Variants in PRKAR2B observed in about 807,000 individuals in gnomAD.
PRKAR2B encodes cAMP-dependent protein kinase type II-beta regulatory subunit.
In PRKAR2B, 14 loss-of-function variants were observed where a neutral mutation model predicts 49.9. The ratio of observed to expected loss-of-function variants is 0.28; its 90% CI spans 0.19 to 0.44. The LOEUF is 0.44. Among genes scored for constraint, PRKAR2B ranks in the 20% least tolerant of loss-of-function variants. The pLI is 1.00. For missense variants in PRKAR2B, 393 were observed against 537.9 expected (o/e 0.73, Z 2.67); for synonymous variants, 196 against 197.7 (o/e 0.99, Z 0.07).
intron 2 of PRKAR2B, among the ~76,000 whole-genome samples, chr7:107,078,829 A>T (rs1794458120): frequency 6.6e-6 from 1 of 152,208 alleles, no homozygotes; most frequent in Admixed American, 6.5e-5. Context: ...GCATTTTCCC[A>T]GAGTTCTCTT....
intron 1 of PRKAR2B, among the ~76,000 whole-genome samples, chr7:107,048,386 C>T (rs1355367908): frequency 6.6e-6 from 1 of 151,426 alleles, no homozygotes; most frequent in Non-Finnish European, 1.5e-5. Context: ...ACTCACAAGT[C>T]AGGTTTTCCT....
chr7:107,152,289 C>T (rs530273950), intron 7 of PRKAR2B, among the ~76,000 whole-genome samples: 5 of 152,324 alleles, frequency 3.3e-5, no homozygotes, highest in South Asian at 4.1e-4. Context: ...AACCTCATTT[C>T]CTACTGCTCC....
At chr7:107,122,723 A>G (rs1469713756) in intron 3 of PRKAR2B, among the ~76,000 whole-genome samples, 1 of 152,176 alleles carries the variant, frequency 6.6e-6, no homozygotes, top group East Asian at 1.9e-4. Context: ...AAAAGTACAT[A>G]AGTAAGATTG....
At chr7:107,153,083 T>G in intron 7 of PRKAR2B, 94 bp from the exon 8 acceptor site, 1 of 726,400 alleles carries the variant, frequency 1.4e-6, no homozygotes, top group East Asian at 2.7e-5. Context: ...GCTCGATTTA[T>G]TTGGCCTATA....
chr7:107,152,886 T>C (rs938766606), intron 7 of PRKAR2B, among the ~76,000 whole-genome samples: 4 of 152,296 alleles, frequency 2.6e-5, no homozygotes, highest in African/African-American at 9.6e-5. Flanking sequence ...CTTTGGCAGA[T>C]TGGAGAACAT....
chr7:107,147,795 C>T (rs548345495), intron 6 of PRKAR2B, among the ~76,000 whole-genome samples: 1 of 152,204 alleles, frequency 6.6e-6, no homozygotes, highest in African/African-American at 2.4e-5. Flanking sequence ...TTATTTCTCT[C>T]AAATCCTTTT....
chr7:107,157,104 T>A (rs1311477174), intron 9 of PRKAR2B, 55 bp downstream of exon 9: 4 of 1,607,476 alleles, frequency 2.5e-6, no homozygotes, highest in Non-Finnish European at 3.4e-6. Flanking sequence ...ACACAACAGA[T>A]CTACTTTTTG....
chr7:107,058,444 G>A (rs903250077), intron 1 of PRKAR2B, among the ~76,000 whole-genome samples: 3 of 152,120 alleles, frequency 2.0e-5, no homozygotes, highest in South Asian at 2.1e-4. Flanking sequence ...ACATTAGTAT[G>A]TGTTTTTATT....
chr7:107,145,417 A>G (rs1184790045), intron 5 of PRKAR2B, among the ~76,000 whole-genome samples: 1 of 152,224 alleles, frequency 6.6e-6, no homozygotes, highest in Non-Finnish European at 1.5e-5. Context: ...TTCTTTTTAA[A>G]AAGTTATTTT....
At chr7:107,068,599 TATAA>T (rs1211281230) in intron 1 of PRKAR2B, 4 of 152,196 alleles carry the variant, frequency 2.6e-5, no homozygotes, top group African/African-American at 9.6e-5. Flanking sequence ...TATTGTGGTA[TATAA>T]ATAGTAAATA....
chr7:107,123,000 T>G (rs1692803437), intron 3 of PRKAR2B, among the ~76,000 whole-genome samples: 1 of 152,210 alleles, frequency 6.6e-6, no homozygotes, highest in Non-Finnish European at 1.5e-5. Flanking sequence ...TTTACTAATC[T>G]GTGATGTGCT....
intron 1 of PRKAR2B, among the ~76,000 whole-genome samples, chr7:107,056,109 A>G (rs1793906489): frequency 6.6e-6 from 1 of 152,204 alleles, no homozygotes; most frequent in African/African-American, 2.4e-5. Flanking sequence ...CAGGTTTGTC[A>G]AAGATCAGAT....
Position 107,045,106 on chromosome 7 carries a change from G to T in PRKAR2B, c.199G>T (p.Gly67Cys). 4 of 1,527,244 alleles carry T rather than the reference G, an allele frequency of 2.6e-6. No individual in the cohort carries two copies. The highest frequency in any genetic ancestry group is 2.6e-6 in the Non-Finnish European group (3 of 1,139,736). 94.6% of individuals were successfully genotyped at this position (1,527,244 alleles called of 1,614,324 possible). A position where few individuals can be genotyped will look rare whatever the true frequency, so the allele number is the denominator to read the frequency against. ...GGGGGACCTGGGCGCCGCTGCCGGG[G>T]GCGGCACCCCCAGCAAGGGGGTCAA... ...TWGDLGAAAG[G>C]GTPSKGVNFA... Residue 67 changes from glycine (G) to cysteine (C), a missense_variant, in exon 1 of 11, where the codon GGC (glycine) becomes TGC (cysteine). Coordinates refer to ENST00000265717, the MANE Select transcript of PRKAR2B (RefSeq NM_002736.3).
chr7:107,059,836 A>G (rs576545582), intron 1 of PRKAR2B, among the ~76,000 whole-genome samples: 3 of 152,262 alleles, frequency 2.0e-5, no homozygotes, highest in South Asian at 4.2e-4. Context: ...GATGAAAATT[A>G]TAATAATACT....
At chr7:107,063,808 T>A (rs544513325) in intron 1 of PRKAR2B, among the ~76,000 whole-genome samples, 1 of 152,344 alleles carries the variant, frequency 6.6e-6, no homozygotes, top group African/African-American at 2.4e-5. Flanking sequence ...ATTACCCTTC[T>A]CTGGAGCTGT....
chr7:107,136,268 G>A (rs1410863144), intron 4 of PRKAR2B, among the ~76,000 whole-genome samples: 1 of 152,146 alleles, frequency 6.6e-6, no homozygotes, highest in African/African-American at 2.4e-5. Flanking sequence ...TGGATTTGGT[G>A]ATAACTTTTT....
intron 2 of PRKAR2B, among the ~76,000 whole-genome samples, chr7:107,073,039 A>G (rs1463067388): frequency 3.3e-5 from 5 of 152,172 alleles, no homozygotes; most frequent in Admixed American, 3.3e-4. Context: ...TATGTGTTCT[A>G]TCATTGTTGA....
intron 4 of PRKAR2B, among the ~76,000 whole-genome samples, 180 bp downstream of exon 4, chr7:107,128,475 G>A (rs1795540490): frequency 6.6e-6 from 1 of 152,150 alleles, no homozygotes; most frequent in South Asian, 2.1e-4. Context: ...GGAATATTGA[G>A]TTTGGGGGAA....
At chr7:107,066,242 A>T (rs1043522757) in intron 1 of PRKAR2B, among the ~76,000 whole-genome samples, 9 of 151,346 alleles carry the variant, frequency 5.9e-5, no homozygotes, top group African/African-American at 2.2e-4. Context: ...TTCTCCAGGC[A>T]TACAATATGT....
Sources: allele counts gnomAD v4.1 joint callset (sites outside exome capture counted in the v4.1 genomes callset), GRCh38; gene constraint gnomAD v4.1.1; transcripts MANE v1.5; gene names NCBI Gene and HGNC (gene_info 2026-07-23, HGNC 2026-07-21).